Variants in ETFB observed in about 807,000 individuals in gnomAD.
The protein encoded by ETFB is electron transfer flavoprotein subunit beta, also known as beta-ETF.
A neutral mutation model predicts 25.6 loss-of-function variants in ETFB; 20 were observed. That is an observed-to-expected ratio of 0.78 (90% confidence interval 0.55 to 1.14). ETFB has a LOEUF of 1.14. Ranked by LOEUF, ETFB falls within the 50% of genes most tolerant of loss-of-function variation. The pLI is 0.00. For missense variants in ETFB, 286 were observed against 342.6 expected (o/e 0.83, Z 1.30); for synonymous variants, 142 against 146.7 (o/e 0.97, Z 0.23).
rs59581815 is a variant in ETFB at position 51,362,162 on chromosome 19, T to TAC, written c.57+4106_57+4107dup. ...AAACATACACACAGCCGGACACACA[T>TAC]ACACACACACACACACACACACACA... is the stretch of plus-strand genomic sequence containing the variant. On this transcript the variant is annotated intron_variant, in intron 1 of 5. Transcript: ENST00000309244. Among the ~76,000 whole-genome samples the TAC allele has an allele frequency of 5.4e-3, 775 of 144,628 alleles. 11 individuals are homozygous for TAC. Among genetic ancestry groups the TAC allele is most frequent in the African/African-American group, 0.018 (699 of 39,150 alleles). 94.9% of individuals were successfully genotyped at this position (144,628 alleles called of 152,430 possible). A position where few individuals can be genotyped will look rare whatever the true frequency, so the allele number is the denominator to read the frequency against.
chr19:51,362,204 C>CACACACACACACAT (rs60638050), intron 1 of ETFB, among the ~76,000 whole-genome samples: 2 of 146,270 alleles, frequency 1.4e-5, no homozygotes, highest in Non-Finnish European at 3.0e-5. Flanking sequence ...CACACACACA[C>CACACACACACACAT]GAATACACTC....
intron 1 of ETFB, chr19:51,354,634 T>C (rs1418763889): frequency 6.2e-7 from 1 of 1,605,074 alleles, no homozygotes; most frequent in South Asian, 1.1e-5. Context: ...CAGTGAGAGG[T>C]ACATTTTACT....
intron 1 of ETFB, chr19:51,355,051 A>G (rs1986044883): frequency 5.1e-6 from 1 of 194,602 alleles, no homozygotes. Flanking sequence ...CTTTACAGAT[A>G]AGATACTCAA....
intron 3 of ETFB, 69 bp downstream of exon 3, chr19:51,353,063 C>G (rs374542634): frequency 1.3e-6 from 2 of 1,597,232 alleles, no homozygotes; most frequent in East Asian, 4.5e-5. Flanking sequence ...TGTCTCACCC[C>G]GTATCTCCAC....
downstream of ETFB, chr19:51,345,158 G>A (rs1429632629): frequency 1.6e-5 from 25 of 1,575,906 alleles, no homozygotes; most frequent in South Asian, 2.2e-5. Flanking sequence ...TAGGAAATAA[G>A]TTAACAGAGA....
chr19:51,347,114 A>C, intron 4 of ETFB, 56 bp from the exon 5 acceptor site: 2 of 1,585,150 alleles, frequency 1.3e-6, no homozygotes, highest in Non-Finnish European at 1.7e-6. Flanking sequence ...GTCCGACCCG[A>C]GCAGTCTGCT....
In ETFB at chr19:51,345,344, C is replaced by G. The variant is rs775532173; in HGVS notation, c.635G>C (p.Gly212Ala). Residue 212 changes from glycine (G) to alanine (A), a missense_variant, in exon 6 of 6, where the codon GGG (glycine) becomes GCG (alanine). By Grantham distance (60) the Gly-to-Ala change is moderately conservative. Transcript: ENST00000309244. ...GGAGGTCAGGTCCACACCCAGGTCCCCAGGCTTGATCACCTCGATCTTCTT... is the reference window on the plus strand; with the variant it reads ...GGAGGTCAGGTCCACACCCAGGTCCGCAGGCTTGATCACCTCGATCTTCTT... ...KKKKIEVIKP[G>A]DLGVDLTSKL... 6.2e-7 allele frequency: 1 copy of G among 1,614,114 alleles called. No homozygotes were observed. Among genetic ancestry groups the G allele is most frequent in the Admixed American group, 1.7e-5 (1 of 60,012 alleles).
At chr19:51,348,761 T>G (rs1985860801) in intron 4 of ETFB, among the ~76,000 whole-genome samples, 1 of 152,220 alleles carries the variant, frequency 6.6e-6, no homozygotes, top group Non-Finnish European at 1.5e-5. Flanking sequence ...GAAATGCAGT[T>G]ACTAGAAAAC....
chr19:51,353,259 G>A lies in ETFB; in HGVS notation c.248C>T (p.Ala83Val). The change falls in exon 3 of 6, where the codon GCA (alanine) becomes GTA (valine). Residue 83 changes from alanine (A) to valine (V), a missense_variant. Transcript: ENST00000309244. Reference protein sequence around the residue: ...ETIRTALAMGADRGIHVEVPP... With the variant: ...ETIRTALAMGVDRGIHVEVPP... ...CACCTCCACGTGGATACCTCGGTCT[G>A]CACCCATGGCCAGGGCGGTACGAAT... The A allele has an allele frequency of 6.2e-7, 1 of 1,614,028 alleles. No individual in the cohort carries two copies. Among genetic ancestry groups the A allele is most frequent in the South Asian group, 1.1e-5 (1 of 91,090 alleles).
chr19:51,361,019 T>C (rs1006537645), intron 1 of ETFB, among the ~76,000 whole-genome samples: 1 of 151,958 alleles, frequency 6.6e-6, no homozygotes, highest in East Asian at 1.9e-4. Flanking sequence ...TCTCCTAACC[T>C]TGTGATCCAC....
intron 1 of ETFB, among the ~76,000 whole-genome samples, chr19:51,360,931 G>C (rs1164221300): frequency 6.6e-6 from 1 of 152,038 alleles, no homozygotes; most frequent in South Asian, 2.1e-4. Context: ...GACTACAGGC[G>C]CCTGCCACCA....
intron 1 of ETFB, chr19:51,354,677 C>T: frequency 1.2e-6 from 2 of 1,605,804 alleles, no homozygotes; most frequent in Non-Finnish European, 1.7e-6. Context: ...ACATAATACA[C>T]TGATACATAA....
At chr19:51,349,200 A>G (rs1985869591) in intron 4 of ETFB, among the ~76,000 whole-genome samples, 1 of 152,204 alleles carries the variant, frequency 6.6e-6, no homozygotes, top group South Asian at 2.1e-4. Context: ...GGGCTCAGCT[A>G]TGATATTTGG....
At chr19:51,345,458 C>T in intron 5 of ETFB, 77 bp from the exon 6 acceptor site, 3 of 1,447,324 alleles carry the variant, frequency 2.1e-6, no homozygotes, top group Non-Finnish European at 2.9e-6. Context: ...CCATGGGTGC[C>T]AGGCCTGCAG....
chr19:51,362,868 C>T (rs924694835), intron 1 of ETFB, among the ~76,000 whole-genome samples: 6 of 152,186 alleles, frequency 3.9e-5, no homozygotes, highest in South Asian at 4.2e-4. Context: ...CCAGAAGGGG[C>T]GACAGACACC....
chr19:51,359,646 C>G (rs1391688998), intron 1 of ETFB, among the ~76,000 whole-genome samples: 2 of 152,152 alleles, frequency 1.3e-5, no homozygotes, highest in African/African-American at 4.8e-5. Context: ...CTCAATTAAG[C>G]TTGAGTTGAT....
chr19:51,357,677 G>A (rs1986117782), intron 1 of ETFB, among the ~76,000 whole-genome samples: 1 of 151,760 alleles, frequency 6.6e-6, no homozygotes, highest in South Asian at 2.1e-4. Context: ...TTTTAATAGA[G>A]ACAGGGTTTC....
At chr19:51,356,185 G>A (rs1052853597) in intron 1 of ETFB, 2 of 151,922 alleles carry the variant, frequency 1.3e-5, no homozygotes, top group Non-Finnish European at 2.9e-5. Context: ...CCTCTCCTCT[G>A]TGGAGAGCTT....
At chr19:51,352,498 C>A (rs747512110) in intron 3 of ETFB, among the ~76,000 whole-genome samples, 1 of 152,136 alleles carries the variant, frequency 6.6e-6, no homozygotes, top group East Asian at 1.9e-4. Context: ...AGCCCAGTCT[C>A]TCCTGCCACA....
Sources: gnomAD v4.1 joint callset for allele counts (sites outside exome capture counted in the v4.1 genomes callset) on GRCh38, gnomAD v4.1.1 for gene constraint, MANE v1.5 for transcripts, NCBI Gene and HGNC (gene_info 2026-07-23, HGNC 2026-07-21) for gene names.